Variants in NELL1 observed in about 807,000 individuals in gnomAD.
NELL1 encodes the protein protein kinase C-binding protein NELL1.
A neutral mutation model predicts 107.4 loss-of-function variants in NELL1; 76 were observed. That is an observed-to-expected ratio of 0.71 (90% CI 0.59 to 0.86). The LOEUF is 0.86. Ranked by LOEUF, NELL1 falls within the 40% of genes least tolerant of loss-of-function variation. The probability of loss-of-function intolerance (pLI) is 0.00; values close to 1 mark genes in which losing one functional copy is unlikely to be tolerated. For synonymous variants in NELL1, 353 were observed against 341.2 expected (o/e 1.03, Z -0.38); for missense variants, 1,024 against 1,005.5 (o/e 1.02, Z -0.25).
chr11:21,326,651 A>G (rs983856991), intron 14 of NELL1, among the ~76,000 whole-genome samples: 1 of 152,036 alleles, frequency 6.6e-6, no homozygotes, highest in African/African-American at 2.4e-5. Flanking sequence ...TTCATTTAAT[A>G]GGGTGCAAAT....
At chr11:20,715,488 C>T (rs1855228436) in intron 2 of NELL1, among the ~76,000 whole-genome samples, 1 of 152,158 alleles carries the variant, frequency 6.6e-6, no homozygotes, top group Non-Finnish European at 1.5e-5. Context: ...AGGATTTGAA[C>T]TCAGGAGACT....
intron 12 of NELL1, among the ~76,000 whole-genome samples, chr11:21,075,353 C>T (rs530672722): frequency 1.3e-5 from 2 of 150,834 alleles, no homozygotes; most frequent in South Asian, 4.1e-4. Context: ...TATTGCTACA[C>T]TCTGAATACT....
intron 14 of NELL1, among the ~76,000 whole-genome samples, chr11:21,293,653 C>G (rs1227923263): frequency 6.6e-6 from 1 of 151,976 alleles, no homozygotes; most frequent in African/African-American, 2.4e-5. Context: ...GCAGCACTGT[C>G]CACAATAGCA....
chr11:21,407,592 C>G (rs1173163062), intron 15 of NELL1, among the ~76,000 whole-genome samples: 1 of 151,480 alleles, frequency 6.6e-6, no homozygotes, highest in African/African-American at 2.4e-5. Flanking sequence ...TTACTTAACT[C>G]TACTCCTTAT....
At chr11:21,291,513 T>A (rs1170565106) in intron 14 of NELL1, among the ~76,000 whole-genome samples, 1 of 152,136 alleles carries the variant, frequency 6.6e-6, no homozygotes, top group African/African-American at 2.4e-5. Context: ...GTTAGTACCA[T>A]TCCTTCTGAA....
At chr11:20,971,838 T>G (rs1321083014) in intron 12 of NELL1, among the ~76,000 whole-genome samples, 4 of 152,290 alleles carry the variant, frequency 2.6e-5, no homozygotes, top group East Asian at 1.9e-4. Context: ...TGGAATACTA[T>G]GCAGCCACAT....
At chr11:21,157,476 T>C (rs1222433026) in intron 13 of NELL1, among the ~76,000 whole-genome samples, 1 of 152,168 alleles carries the variant, frequency 6.6e-6, no homozygotes, top group African/African-American at 2.4e-5. Context: ...TTTTTGAGAA[T>C]TACACCCTGA....
At chr11:21,516,723 T>TCACACACACACACACATA (rs1352186188) in intron 15 of NELL1, among the ~76,000 whole-genome samples, 1 of 145,876 alleles carries the variant, frequency 6.9e-6, no homozygotes, top group Admixed American at 6.9e-5. Flanking sequence ...GGTCTGTCAA[T>TCACACACACACACACATA]CACACACACA....
intron 14 of NELL1, among the ~76,000 whole-genome samples, chr11:21,367,261 T>TACACACAC (rs72275889): frequency 2.5e-4 from 36 of 145,236 alleles, no homozygotes; most frequent in African/African-American, 8.2e-4. Context: ...TTTATCTTAC[T>TACACACAC]ACACACACAC....
chr11:20,745,683 G>A (rs1183311721), intron 2 of NELL1, among the ~76,000 whole-genome samples: 1 of 152,126 alleles, frequency 6.6e-6, no homozygotes, highest in Admixed American at 6.6e-5. Context: ...ATTAATAAAA[G>A]GAGCTTTGTT....
chr11:20,737,505 GT>G lies in NELL1; in HGVS notation c.185-46168del, dbSNP rs144962876. On this transcript the variant is annotated intron_variant, in intron 2 of 19. Coordinates refer to ENST00000357134, the MANE Select transcript of NELL1 (RefSeq NM_006157.5). ...TCAAAAAGAATGTGACCCTGAGTCA[GT>G]TTTTTTAATGTGTTGTGCCTCAGTT... Among the ~76,000 whole-genome samples, 1,165 of 152,230 alleles carry G rather than the reference GT, an allele frequency of 7.7e-3. 20 individuals carry two copies. The highest frequency in any genetic ancestry group is 0.026 in the African/African-American group (1,095 of 41,538).
chr11:21,511,900 C>T (rs1855444247), intron 15 of NELL1, among the ~76,000 whole-genome samples: 1 of 152,144 alleles, frequency 6.6e-6, no homozygotes, highest in Non-Finnish European at 1.5e-5. Context: ...CACATATGGA[C>T]AATACGGGAC....
At chr11:21,392,789 A>G (rs1310428673) in intron 15 of NELL1, among the ~76,000 whole-genome samples, 1 of 151,798 alleles carries the variant, frequency 6.6e-6, no homozygotes, top group African/African-American at 2.4e-5. Context: ...ACTGCATGAC[A>G]TTTACTCTTT....
chr11:20,788,572 A>T (rs1857013657), intron 3 of NELL1, among the ~76,000 whole-genome samples: 1 of 151,842 alleles, frequency 6.6e-6, no homozygotes, highest in African/African-American at 2.4e-5. Context: ...ATTGATTTGT[A>T]ATAATCATGT....
chr11:21,574,270 A>G (rs1190537048), intron 19 of NELL1, among the ~76,000 whole-genome samples: 1 of 150,942 alleles, frequency 6.6e-6, no homozygotes, highest in Non-Finnish European at 1.5e-5. Context: ...TTTTTCTGGG[A>G]AAGTATCATC....
At chr11:21,169,865 T>TTGCCA in intron 13 of NELL1, 1 of 1,409,724 alleles carries the variant, frequency 7.1e-7, no homozygotes, top group Non-Finnish European at 1.0e-6. Context: ...CCAGGAAGAG[T>TTGCCA]TGCCATGTCA....
chr11:20,796,901 T>C (rs1350943421), intron 3 of NELL1, among the ~76,000 whole-genome samples: 2 of 152,092 alleles, frequency 1.3e-5, no homozygotes, highest in African/African-American at 4.8e-5. Context: ...AATAGAAGGA[T>C]AAGCAGATAT....
intron 13 of NELL1, among the ~76,000 whole-genome samples, chr11:21,223,404 T>C (rs1356944182): frequency 6.6e-6 from 1 of 152,206 alleles, no homozygotes; most frequent in Non-Finnish European, 1.5e-5. Context: ...TTTTGATATC[T>C]ATTTGTGTGG....
rs192631853 is a variant in NELL1, at chr11:21,129,670, C to T, written c.1426+15956C>T. 1.6e-3 allele frequency among the ~76,000 whole-genome samples: 237 copies of T among 152,282 alleles called. 2 individuals carry two copies. Among genetic ancestry groups the T allele is most frequent in the Middle Eastern group, 6.8e-3 (2 of 294 alleles). ...TAAGCCAGTCAGAAATAGACAAACA[C>T]TGCATGATTCCACTTATATGAAGTA... On this transcript the variant is annotated intron_variant, in intron 13 of 19. Coordinates refer to ENST00000357134, the MANE Select transcript of NELL1 (RefSeq NM_006157.5).
Sources: allele counts gnomAD v4.1 joint callset (sites outside exome capture counted in the v4.1 genomes callset), GRCh38; gene constraint gnomAD v4.1.1; transcripts MANE v1.5; gene names NCBI Gene and HGNC (gene_info 2026-07-23, HGNC 2026-07-21).